Variants in THSD7B observed in about 807,000 individuals in gnomAD.
THSD7B encodes the protein thrombospondin type-1 domain-containing protein 7B.
In THSD7B, 138 loss-of-function variants were observed where a neutral mutation model predicts 213.6. The observed-to-expected ratio is 0.65, with a 90% CI of 0.56 to 0.74. THSD7B has a LOEUF of 0.74. Among genes scored for constraint, THSD7B ranks in the 30% least tolerant of loss-of-function variants. The pLI is 0.00. For missense variants in THSD7B, 1,931 were observed against 1,991.5 expected (o/e 0.97, Z 0.58); for synonymous variants, 742 against 687.0 (o/e 1.08, Z -1.25).
intron 12 of THSD7B, among the ~76,000 whole-genome samples, chr2:137,317,606 A>G (rs1318335673): frequency 6.6e-6 from 1 of 152,236 alleles, no homozygotes; most frequent in Non-Finnish European, 1.5e-5. Context: ...GGCTTTAAAA[A>G]GTATTGATGC....
chr2:136,953,582 TAAG>T, intron 2 of THSD7B, among the ~76,000 whole-genome samples: 1 of 152,334 alleles, frequency 6.6e-6, no homozygotes, highest in Non-Finnish European at 1.5e-5. Context: ...AAGTCATTAA[TAAG>T]ATTAACATGA....
At chr2:137,514,831 A>T (rs112601557) in intron 15 of THSD7B, among the ~76,000 whole-genome samples, 3 of 152,210 alleles carry the variant, frequency 2.0e-5, no homozygotes, top group African/African-American at 7.2e-5. Flanking sequence ...TGGTGACTCT[A>T]AACATAATAC....
intron 12 of THSD7B, among the ~76,000 whole-genome samples, chr2:137,362,718 G>A (rs1254426599): frequency 6.6e-6 from 1 of 152,142 alleles, no homozygotes; most frequent in Non-Finnish European, 1.5e-5. Context: ...CAATACAGGA[G>A]CACCCAGATT....
At chr2:136,930,949 A>C (rs1684618041) in intron 2 of THSD7B, among the ~76,000 whole-genome samples, 1 of 152,152 alleles carries the variant, frequency 6.6e-6, no homozygotes, top group South Asian at 2.1e-4. Flanking sequence ...CAGAGCAGTC[A>C]TTGTCTAACA....
chr2:137,294,583 C>CAAAAAAAA (rs1210363889), intron 12 of THSD7B, among the ~76,000 whole-genome samples: 21 of 73,218 alleles, frequency 2.9e-4, no homozygotes, highest in African/African-American at 9.4e-4. Flanking sequence ...AACTCCATCT[C>CAAAAAAAA]AAAAAAAAAA....
chr2:137,517,727 G>A (rs1680097895), intron 15 of THSD7B, among the ~76,000 whole-genome samples: 1 of 152,166 alleles, frequency 6.6e-6, no homozygotes, highest in Non-Finnish European at 1.5e-5. Flanking sequence ...ATATCCAATG[G>A]TGCTGGAGGT....
At chr2:137,271,421 A>ATGGCTTC (rs1189900871) in intron 10 of THSD7B, among the ~76,000 whole-genome samples, 35 of 138,718 alleles carry the variant, frequency 2.5e-4, no homozygotes, top group East Asian at 6.3e-4. Context: ...TATAATATAT[A>ATGGCTTC]ATTATATAAT....
intron 14 of THSD7B, among the ~76,000 whole-genome samples, chr2:137,439,962 C>G (rs566667443): frequency 1.3e-5 from 2 of 152,178 alleles, no homozygotes; most frequent in Non-Finnish European, 2.9e-5. Flanking sequence ...TATGAACTTT[C>G]TTCTGTTCCA....
chr2:136,796,811 C>A (rs1682073777), intron 1 of THSD7B, among the ~76,000 whole-genome samples: 1 of 151,888 alleles, frequency 6.6e-6, no homozygotes, highest in Non-Finnish European at 1.5e-5. Context: ...CCTTAAAAAG[C>A]TTCCATTTTA....
chr2:136,806,683 G>A (rs961268868), intron 1 of THSD7B, among the ~76,000 whole-genome samples: 3 of 152,268 alleles, frequency 2.0e-5, no homozygotes, highest in Non-Finnish European at 2.9e-5. Context: ...GACAGAAGAC[G>A]AATCTGCTAA....
At chr2:137,074,704 G>A (rs190651493) in intron 3 of THSD7B, among the ~76,000 whole-genome samples, 251 of 152,298 alleles carry the variant, frequency 1.6e-3, no homozygotes, top group African/African-American at 5.9e-3. Flanking sequence ...AATTTGGCAT[G>A]TTTTTGCAGT....
At chr2:137,614,315 G>A (rs751508972) in intron 17 of THSD7B, among the ~76,000 whole-genome samples, 26 of 151,968 alleles carry the variant, frequency 1.7e-4, no homozygotes, top group Non-Finnish European at 3.2e-4. Flanking sequence ...GTTTAGATGC[G>A]GAACTAAGGT....
At chr2:137,262,505 CAAG>C (rs1682475173) in intron 10 of THSD7B, among the ~76,000 whole-genome samples, 1 of 151,660 alleles carries the variant, frequency 6.6e-6, no homozygotes, top group Admixed American at 6.6e-5. Context: ...AACACATTGA[CAAG>C]AAGAAAAGAC....
chr2:137,459,210 T>G (rs1687830852), intron 15 of THSD7B, among the ~76,000 whole-genome samples: 1 of 152,142 alleles, frequency 6.6e-6, no homozygotes, highest in Non-Finnish European at 1.5e-5. Flanking sequence ...GAGAGTAAGA[T>G]TCTAAATTGC....
chr2:137,118,847 G>A (rs1309070298), intron 5 of THSD7B, among the ~76,000 whole-genome samples: 2 of 152,112 alleles, frequency 1.3e-5, no homozygotes, highest in African/African-American at 2.4e-5. Flanking sequence ...CATGACTAGG[G>A]AGGCCTCACA....
chr2:137,433,966 T>C (rs573946510), intron 14 of THSD7B, among the ~76,000 whole-genome samples: 6 of 152,316 alleles, frequency 3.9e-5, no homozygotes, highest in Non-Finnish European at 7.3e-5. Context: ...TTCCAGCTTG[T>C]TAAGGGCTCT....
chr2:137,423,200 A>G (rs978439101), intron 14 of THSD7B, among the ~76,000 whole-genome samples: 4 of 152,144 alleles, frequency 2.6e-5, no homozygotes, highest in Non-Finnish European at 4.4e-5. Context: ...TGATTAAAGA[A>G]AAAATAGTTC....
chr2:137,563,211 T>C lies in THSD7B; in HGVS notation c.3139-10T>C. The C allele has an allele frequency of 1.2e-6, 2 of 1,612,024 alleles. No homozygotes were observed. The highest frequency in any genetic ancestry group is 1.7e-6 in the Non-Finnish European group (2 of 1,178,828). On this transcript the variant is annotated splice_polypyrimidine_tract_variant and intron_variant, in intron 15 of 27. Coordinates refer to ENST00000409968, the MANE Select transcript of THSD7B (RefSeq NM_001316349.2). ...TCCACATAATTTTGTTTCTTTCCTG[T>C]TCTTGACAGGTACATGAGGCAGTCC...
At chr2:137,345,739 A>G (rs1199034443) in intron 12 of THSD7B, among the ~76,000 whole-genome samples, 2 of 151,660 alleles carry the variant, frequency 1.3e-5, no homozygotes, top group Admixed American at 1.3e-4. Context: ...AAGAGCAGGT[A>G]TGTAGATTCC....
Sources: gnomAD v4.1 joint callset for allele counts (sites outside exome capture counted in the v4.1 genomes callset) on GRCh38, gnomAD v4.1.1 for gene constraint, MANE v1.5 for transcripts, NCBI Gene and HGNC (gene_info 2026-07-23, HGNC 2026-07-21) for gene names.